The following NOS1AP variants were observed in gnomAD, a reference collection of about 807,000 sequenced individuals.
NOS1AP encodes carboxyl-terminal PDZ ligand of neuronal nitric oxide synthase protein.
NOS1AP carries 21 observed loss-of-function variants against 56.2 expected under a neutral mutation model. That is an observed-to-expected ratio of 0.37 (90% CI 0.26 to 0.54). NOS1AP has a LOEUF of 0.54. Ranked by LOEUF, NOS1AP falls within the 20% of genes least tolerant of loss-of-function variation. NOS1AP has a pLI of 0.84. For synonymous variants in NOS1AP, 270 were observed against 274.6 expected, an observed-to-expected ratio of 0.98 and a Z score of 0.17; for missense variants, 522 against 657.8, an observed-to-expected ratio of 0.79 and a Z score of 2.26.
At chr1:162,073,906 G>A (rs1199107932) in intron 1 of NOS1AP, among the ~76,000 whole-genome samples, 3 of 152,306 alleles carry the variant, frequency 2.0e-5, no homozygotes, top group African/African-American at 7.2e-5. Context: ...CTGAGAGCCT[G>A]TGGCTCCTTA....
At chr1:162,113,365 A>T (rs1647786975) in intron 1 of NOS1AP, among the ~76,000 whole-genome samples, 1 of 152,206 alleles carries the variant, frequency 6.6e-6, no homozygotes, top group South Asian at 2.1e-4. Flanking sequence ...GGGTCCTGGC[A>T]GCCCCACAGT....
At chr1:162,366,890 C>G (rs1336259297) in intron 9 of NOS1AP, 162 bp from the exon 10 acceptor site, 3 of 777,230 alleles carry the variant, frequency 3.9e-6, no homozygotes, top group Non-Finnish European at 4.6e-6. Flanking sequence ...TATGTGGGGG[C>G]GGGAGGAAGG....
intron 2 of NOS1AP, among the ~76,000 whole-genome samples, chr1:162,180,348 C>T (rs572113712): frequency 1.1e-3 from 161 of 152,196 alleles, no homozygotes; most frequent in African/African-American, 3.6e-3. Flanking sequence ...GGGTTCACGC[C>T]GTTCTTCTGC....
rs111983596 is a variant in NOS1AP, at chr1:162,222,937, A to G, written c.178-64407A>G. Among the ~76,000 whole-genome samples, 825 of 152,372 alleles carry G rather than the reference A, an allele frequency of 5.4e-3. 7 individuals are homozygous for G. The highest frequency in any genetic ancestry group is 0.019 in the African/African-American group (778 of 41,596). ...GGGTGTGATAGTTATGAGTATTTAC[A>G]TACAGATCACACTATTCTTTTACCA... On this transcript the variant is annotated intron_variant, in intron 2 of 9. Transcript: ENST00000361897.
intron 1 of NOS1AP, among the ~76,000 whole-genome samples, chr1:162,100,179 C>T (rs1692350113): frequency 6.6e-6 from 1 of 152,136 alleles, no homozygotes; most frequent in African/African-American, 2.4e-5. Context: ...AATGGTATTT[C>T]TAGTTCCAGA....
intron 2 of NOS1AP, among the ~76,000 whole-genome samples, chr1:162,189,631 A>G (rs1651555387): frequency 6.6e-6 from 1 of 152,210 alleles, no homozygotes; most frequent in Non-Finnish European, 1.5e-5. Context: ...TTCAAATGGG[A>G]AAGTCTGGTT....
At chr1:162,324,851 C>T (rs1345830111) in intron 4 of NOS1AP, among the ~76,000 whole-genome samples, 3 of 152,190 alleles carry the variant, frequency 2.0e-5, no homozygotes, top group South Asian at 2.1e-4. Flanking sequence ...GACTGTCTCT[C>T]GAGGTCTCTC....
At chr1:162,159,357 T>C (rs928963972) in intron 2 of NOS1AP, among the ~76,000 whole-genome samples, 1 of 152,212 alleles carries the variant, frequency 6.6e-6, no homozygotes, top group Admixed American at 6.5e-5. Flanking sequence ...AATTTCTTGT[T>C]CTGTCTCTCT....
intron 2 of NOS1AP, among the ~76,000 whole-genome samples, chr1:162,258,856 G>T (rs1654117736): frequency 6.6e-6 from 1 of 152,142 alleles, no homozygotes; most frequent in Non-Finnish European, 1.5e-5. Flanking sequence ...TTGATACAGA[G>T]TCCATAACAA....
intron 2 of NOS1AP, among the ~76,000 whole-genome samples, chr1:162,264,477 TCCCCTCCCCTCTC>T (rs1557855400): frequency 3.3e-4 from 33 of 99,056 alleles, no homozygotes; most frequent in East Asian, 1.9e-3. Context: ...TCCCCTCCCC[TCCCCTCCCCTCTC>T]CTCCTCTCCT....
At chr1:162,165,124 C>G (rs1650426152) in intron 2 of NOS1AP, among the ~76,000 whole-genome samples, 1 of 152,092 alleles carries the variant, frequency 6.6e-6, no homozygotes, top group Non-Finnish European at 1.5e-5. Context: ...GAGTTCAAGA[C>G]CAGCCTGACC....
chr1:162,220,212 C>T (rs900555484), intron 2 of NOS1AP, among the ~76,000 whole-genome samples: 1 of 152,332 alleles, frequency 6.6e-6, no homozygotes, highest in Middle Eastern at 3.4e-3. Context: ...AGCCCCCGTG[C>T]TCAGCCTAAC....
At chr1:162,206,808 G>A (rs1355023321) in intron 2 of NOS1AP, among the ~76,000 whole-genome samples, 1 of 152,150 alleles carries the variant, frequency 6.6e-6, no homozygotes, top group Non-Finnish European at 1.5e-5. Flanking sequence ...TTACCTCATT[G>A]AGCCTCGATC....
intron 2 of NOS1AP, among the ~76,000 whole-genome samples, chr1:162,249,890 A>C (rs1429733141): frequency 6.6e-6 from 1 of 152,190 alleles, no homozygotes; most frequent in Non-Finnish European, 1.5e-5. Flanking sequence ...TTCCCTGAAG[A>C]AGTGATAGAT....
intron 5 of NOS1AP, chr1:162,342,487 G>A (rs908098493): frequency 4.3e-5 from 20 of 470,472 alleles, no homozygotes; most frequent in Non-Finnish European, 7.5e-5. Context: ...ACCCAGCAGA[G>A]AATGGACTAC....
chr1:162,298,113 G>A (rs999700580), intron 3 of NOS1AP, among the ~76,000 whole-genome samples: 4 of 152,214 alleles, frequency 2.6e-5, no homozygotes, highest in South Asian at 2.1e-4. Flanking sequence ...ACGGAAGACC[G>A]TCCTCACTGG....
At chr1:162,249,851 G>A (rs994968318) in intron 2 of NOS1AP, among the ~76,000 whole-genome samples, 7 of 152,188 alleles carry the variant, frequency 4.6e-5, no homozygotes, top group Non-Finnish European at 1.0e-4. Context: ...CAGTGGGCAC[G>A]AGAGGGGGAT....
intron 2 of NOS1AP, among the ~76,000 whole-genome samples, chr1:162,194,773 G>T (rs1571117006): frequency 6.6e-6 from 1 of 152,144 alleles, no homozygotes; most frequent in African/African-American, 2.4e-5. Flanking sequence ...CACAGAAGGG[G>T]AGGCAAGAGG....
intron 1 of NOS1AP, among the ~76,000 whole-genome samples, chr1:162,126,366 T>C (rs1202442412): frequency 6.6e-6 from 1 of 152,188 alleles, no homozygotes; most frequent in Non-Finnish European, 1.5e-5. Flanking sequence ...GTTTGCCTGA[T>C]ATTTTCTCAT....
Sources: gnomAD v4.1 joint callset for allele counts (sites outside exome capture counted in the v4.1 genomes callset) on GRCh38, gnomAD v4.1.1 for gene constraint, MANE v1.5 for transcripts, NCBI Gene and HGNC (gene_info 2026-07-23, HGNC 2026-07-21) for gene names.